LIN7C: variants seen among roughly 807,000 people sequenced by gnomAD.
LIN7C encodes lin-7 cell polarity scaffold C, also known as protein lin-7 homolog C.
LIN7C carries 17 observed loss-of-function variants against 24.7 expected under a neutral mutation model. The observed-to-expected ratio is 0.69, with a 90% CI of 0.47 to 1.03. The LOEUF (loss-of-function observed/expected upper bound fraction) is 1.03. Ranked by LOEUF, LIN7C falls within the 50% of genes least tolerant of loss-of-function variation. The pLI is 0.00. For synonymous variants in LIN7C, 90 were observed against 83.4 expected (o/e 1.08, Z -0.43); for missense variants, 204 against 239.0 (o/e 0.85, Z 0.97).
chr11:27,499,912 C>G (rs1865206998), intron 3 of LIN7C, among the ~76,000 whole-genome samples: 1 of 152,228 alleles, frequency 6.6e-6, no homozygotes, highest in Admixed American at 6.5e-5. Context: ...CAGGCGTGAG[C>G]CACTGCGCCT....
At chr11:27,506,439 G>C (rs903298255) in intron 1 of LIN7C, among the ~76,000 whole-genome samples, 29 of 152,236 alleles carry the variant, frequency 1.9e-4, no homozygotes, top group African/African-American at 6.8e-4. Context: ...CCAAGGGAGC[G>C]CGTGTGCGGC....
rs773079709 is a variant in LIN7C at position 27,498,618 on chromosome 11, C to T, written c.*31G>A. 17 of 1,596,214 alleles carry T rather than the reference C, an allele frequency of 1.1e-5. No homozygotes were observed. The highest frequency in any genetic ancestry group is 4.0e-5 in the African/African-American group (3 of 74,100). ...ACAAGGAAAACTTCTCTAGCTAAAA[C>T]GCAAAATGAAATATCAAGTTTTGAA... On this transcript the variant is annotated 3_prime_UTR_variant, in exon 5 of 5. Coordinates refer to ENST00000278193, the MANE Select transcript of LIN7C (RefSeq NM_018362.4).
In LIN7C at chr11:27,498,452, TTTTTC is replaced by T. The variant is rs1865190784; in HGVS notation, c.*192_*196del. 1 of 526,670 alleles carries T rather than the reference TTTTTC, an allele frequency of 1.9e-6. No individual in the cohort carries two copies. The highest frequency in any genetic ancestry group is 3.3e-5 in the South Asian group (1 of 30,734). 32.6% of individuals were successfully genotyped at this position (526,670 alleles called of 1,614,324 possible). ...CAGAATTGCCCTCATCACCTTTTAC[TTTTTC>T]TTGTCAGAAAAAAGTGTATGCATCT... On this transcript the variant is annotated 3_prime_UTR_variant, in exon 5 of 5. Coordinates refer to ENST00000278193, the MANE Select transcript of LIN7C (RefSeq NM_018362.4).
chr11:27,497,613 T>A lies in LIN7C; in HGVS notation c.*1036A>T, dbSNP rs1035847637. ...TACTTCACATCATAATTTCTATGTA[T>A]CTTAAATATATCCTCTTTTCTTCCT... On this transcript the variant is annotated 3_prime_UTR_variant, in exon 5 of 5. Transcript: ENST00000278193. 6.6e-6 allele frequency: 1 copy of A among 152,470 alleles called. No individual in the cohort carries two copies. Among genetic ancestry groups the A allele is most frequent in the African/African-American group, 2.4e-5 (1 of 41,446 alleles). The allele number at this position is 152,470 out of a possible 1,614,324, so 9.4% of individuals were successfully genotyped here.
intron 4 of LIN7C, 141 bp downstream of exon 4, chr11:27,499,218 G>T: frequency 1.6e-6 from 1 of 643,704 alleles, no homozygotes; most frequent in Non-Finnish European, 2.7e-6. Flanking sequence ...TAAAAAAAAG[G>T]ATCACTGTAT....
At chr11:27,499,644 A>AC in intron 3 of LIN7C, 76 bp from the exon 4 acceptor site, 12 of 1,331,816 alleles carry the variant, frequency 9.0e-6, no homozygotes, top group Non-Finnish European at 1.3e-5. Flanking sequence ...TCCCCCCGAG[A>AC]TGGAGTCTCG....
intron 1 of LIN7C, among the ~76,000 whole-genome samples, chr11:27,503,711 A>G (rs543994274): frequency 2.0e-5 from 3 of 152,062 alleles, no homozygotes; most frequent in Non-Finnish European, 4.4e-5. Flanking sequence ...ACAGGGTTTC[A>G]CCCTGTTGGT....
chr11:27,501,768 C>T, intron 2 of LIN7C, 34 bp downstream of exon 2: 2 of 1,401,448 alleles, frequency 1.4e-6, no homozygotes, highest in Non-Finnish European at 2.0e-6. Context: ...CTAATTAACT[C>T]AAATTTTTGT....
In LIN7C at chr11:27,496,094, CA is replaced by C. The variant is rs1865166619; in HGVS notation, c.*2554del. ...ACTTCCTAAGAGTGTCCAGTGTAAT[CA>C]GATCATTTTATAATGGGTTATTGAC... On this transcript the variant is annotated 3_prime_UTR_variant, in exon 5 of 5. Transcript: ENST00000278193. 1 of 148,308 alleles carries C rather than the reference CA, an allele frequency of 6.7e-6. No homozygotes were observed. Among genetic ancestry groups the C allele is most frequent in the African/African-American group, 2.5e-5 (1 of 40,218 alleles). The allele number at this position is 148,308 out of a possible 1,614,324, so 9.2% of individuals were successfully genotyped here.
intron 3 of LIN7C, among the ~76,000 whole-genome samples, chr11:27,501,070 G>A (rs1037915581): frequency 1.3e-5 from 2 of 152,154 alleles, no homozygotes; most frequent in Non-Finnish European, 2.9e-5. Flanking sequence ...AAGTACCCCA[G>A]CTCTATCATA....
chr11:27,505,820 C>T (rs1240301300), intron 1 of LIN7C, among the ~76,000 whole-genome samples: 1 of 152,036 alleles, frequency 6.6e-6, no homozygotes, highest in African/African-American at 2.4e-5. Context: ...CTTCTCAATT[C>T]CTATCAATGA....
At chr11:27,505,540 A>G (rs1157488184) in intron 1 of LIN7C, among the ~76,000 whole-genome samples, 1 of 152,214 alleles carries the variant, frequency 6.6e-6, no homozygotes, top group African/African-American at 2.4e-5. Flanking sequence ...ATGCTTTAAT[A>G]GGCTTAACGG....
chr11:27,505,249 T>G (rs539971619), intron 1 of LIN7C, among the ~76,000 whole-genome samples: 2 of 152,298 alleles, frequency 1.3e-5, no homozygotes, highest in East Asian at 3.9e-4. Context: ...GGAGAATTGC[T>G]TGAACCCGGG....
chr11:27,504,504 T>C (rs111655638), intron 1 of LIN7C, among the ~76,000 whole-genome samples: 83 of 152,296 alleles, frequency 5.4e-4, no homozygotes, highest in African/African-American at 2.0e-3. Flanking sequence ...TGTTTGTTAA[T>C]AGAGTCTGTT....
chr11:27,499,784 G>T (rs184419002), intron 3 of LIN7C, among the ~76,000 whole-genome samples: 1 of 151,364 alleles, frequency 6.6e-6, no homozygotes, highest in Non-Finnish European at 1.5e-5. Flanking sequence ...CACCACGCCC[G>T]GCTAATTTTT....
Position 27,497,858 on chromosome 11 carries a change from C to T in LIN7C, c.*791G>A, listed in dbSNP as rs1251102755. 6.6e-6 allele frequency: 1 copy of T among 152,006 alleles called. No homozygotes were observed. The highest frequency in any genetic ancestry group is 1.9e-4 in the East Asian group (1 of 5,196). 9.4% of individuals were successfully genotyped at this position (152,006 alleles called of 1,614,324 possible). On this transcript the variant is annotated 3_prime_UTR_variant, in exon 5 of 5. Transcript: ENST00000278193. ...AAATCACAAAAGATGAAATCTGAAC[C>T]TGTTTTGCATTTATAATTTGATGTA...
intron 1 of LIN7C, among the ~76,000 whole-genome samples, chr11:27,505,226 G>A (rs928087141): frequency 6.6e-6 from 1 of 152,198 alleles, no homozygotes; most frequent in Admixed American, 6.5e-5. Context: ...CAGCTACTCG[G>A]GAGGCTGAGG....
rs770930435 is a variant in LIN7C, at chr11:27,506,767, T to C, written c.-15A>G. The C allele has an allele frequency of 6.3e-7, 1 of 1,599,870 alleles. No individual in the cohort carries two copies. The highest frequency in any genetic ancestry group is 1.3e-5 in the African/African-American group (1 of 74,630). On this transcript the variant is annotated 5_prime_UTR_variant, in exon 1 of 5. Coordinates refer to ENST00000278193, the MANE Select transcript of LIN7C (RefSeq NM_018362.4). The stretch of plus-strand genomic sequence containing the variant: ...AGCGCCGCCATCTTCTCCCTTAACC[T>C]ACAGACCCACAGGAAATGACGACAG...
chr11:27,499,136 A>G lies in LIN7C; in HGVS notation c.438+223T>C, dbSNP rs192810624. Among the ~76,000 whole-genome samples, 857 of 152,250 alleles carry G rather than the reference A, an allele frequency of 5.6e-3. 9 individuals carry two copies. The highest frequency in any genetic ancestry group is 0.02 in the African/African-American group (811 of 41,544). ...ACTTCTAATTTAATGTATTGCCTTT[A>G]ATAAAGAGCTTATGTCATAAAAATG... On this transcript the variant is annotated intron_variant, in intron 4 of 4. Transcript: ENST00000278193.
Sources: gnomAD v4.1 joint callset for allele counts (sites outside exome capture counted in the v4.1 genomes callset) on GRCh38, gnomAD v4.1.1 for gene constraint, MANE v1.5 for transcripts, NCBI Gene and HGNC (gene_info 2026-07-23, HGNC 2026-07-21) for gene names.